SENP8: variants seen among roughly 807,000 people sequenced by gnomAD.
SENP8 encodes the protein SUMO peptidase family member, NEDD8 specific.
SENP8 carries 10 observed loss-of-function variants against 14.4 expected under a neutral mutation model. The ratio of observed to expected loss-of-function variants is 0.69; its 90% CI spans 0.43 to 1.18. SENP8 has a LOEUF of 1.18. Ranked by LOEUF, SENP8 falls within the 50% of genes most tolerant of loss-of-function variation. The probability of loss-of-function intolerance (pLI) is 0.00; values close to 1 mark genes in which losing one functional copy is unlikely to be tolerated. For synonymous variants in SENP8, 94 were observed against 95.5 expected, an observed-to-expected ratio of 0.98 and a Z score of 0.09; for missense variants, 202 against 249.4, an observed-to-expected ratio of 0.81 and a Z score of 1.28.
In SENP8 at chr15:72,140,294, T is replaced by C; in HGVS notation, c.*32T>C. 3 of 1,498,074 alleles carry C rather than the reference T, an allele frequency of 2.0e-6. No homozygotes were observed. Among genetic ancestry groups the C allele is most frequent in the Non-Finnish European group, 2.8e-6 (3 of 1,080,126 alleles). The allele number at this position is 1,498,074 out of a possible 1,614,324, so 92.8% of individuals were successfully genotyped here. A position where few individuals can be genotyped will look rare whatever the true frequency, so the allele number is the denominator to read the frequency against. ...AAGTATATTTGCGACTTTTGAAGGC[T>C]CCTCTTTCTGCCCTTCCCCATTTGT... On this transcript the variant is annotated 3_prime_UTR_variant, in exon 2 of 2. Coordinates refer to ENST00000340912, the MANE Select transcript of SENP8 (RefSeq NM_145204.4).
chr15:72,136,078 T>G (rs2081325187), intron 1 of SENP8, among the ~76,000 whole-genome samples: 1 of 152,222 alleles, frequency 6.6e-6, no homozygotes, highest in Non-Finnish European at 1.5e-5. Context: ...TCTGTCAAAT[T>G]GCTTTTGTTT....
At chr15:72,139,410 T>C (rs2140527559) in intron 1 of SENP8, 167 bp from the exon 2 acceptor site, 1 of 553,424 alleles carries the variant, frequency 1.8e-6, no homozygotes, top group East Asian at 3.0e-5. Flanking sequence ...GTCTCAGGGG[T>C]GGCAGAGGCA....
Position 72,140,862 on chromosome 15 carries a change from T to G in SENP8, c.*600T>G, listed in dbSNP as rs2081374734. 6.0e-6 allele frequency: 1 copy of G among 167,168 alleles called. No homozygotes were observed. The highest frequency in any genetic ancestry group is 6.5e-5 in the Admixed American group (1 of 15,286). The allele number at this position is 167,168 out of a possible 1,614,324, so 10.4% of individuals were successfully genotyped here. A position where few individuals can be genotyped will look rare whatever the true frequency, so the allele number is the denominator to read the frequency against. ...CTATCTATATAATGTTTGCAAATAT[T>G]TGATAAAGATGATGTTACCCTATCT... On this transcript the variant is annotated 3_prime_UTR_variant, in exon 2 of 2. Coordinates refer to ENST00000340912, the MANE Select transcript of SENP8 (RefSeq NM_145204.4).
At chr15:72,116,184 G>A (rs1044040549), upstream of SENP8, among the ~76,000 whole-genome samples, 6 of 152,102 alleles carry the variant, frequency 3.9e-5, no homozygotes, top group Non-Finnish European at 5.9e-5. Flanking sequence ...GAGTGAAGGC[G>A]GAACAGAAAT....
chr15:72,136,870 C>T (rs979229754), intron 1 of SENP8, among the ~76,000 whole-genome samples: 1 of 152,154 alleles, frequency 6.6e-6, no homozygotes, highest in Non-Finnish European at 1.5e-5. Context: ...TGCCAGGTCA[C>T]TGCATAACAG....
At chr15:72,134,988 A>C (rs1596655805) in intron 1 of SENP8, 1 of 313,726 alleles carries the variant, frequency 3.2e-6, no homozygotes, top group East Asian at 1.1e-4. Context: ...AAAAGAAGGA[A>C]GCCAAAGAGA....
chr15:72,122,585 CAGAG>C (rs925325295), intron 1 of SENP8, among the ~76,000 whole-genome samples: 1 of 152,176 alleles, frequency 6.6e-6, no homozygotes, highest in Non-Finnish European at 1.5e-5. Flanking sequence ...ACTAGGTTCT[CAGAG>C]AGGCCACCAT....
At chr15:72,138,003 A>G (rs546866813) in intron 1 of SENP8, among the ~76,000 whole-genome samples, 1 of 152,234 alleles carries the variant, frequency 6.6e-6, no homozygotes, top group African/African-American at 2.4e-5. Flanking sequence ...ATTAGTGTTG[A>G]AATGAAAAGT....
At chr15:72,117,910 C>T, upstream of SENP8, 1 of 398,592 alleles carries the variant, frequency 2.5e-6, no homozygotes, top group Non-Finnish European at 4.4e-6. Flanking sequence ...CATCCCCCGC[C>T]GCACCCCGCC....
rs2081380624 is a variant in SENP8 at position 72,141,564 on chromosome 15, TC to T, written c.*1303del. The T allele has an allele frequency of 6.6e-6, 1 of 152,122 alleles. No individual in the cohort carries two copies. Among genetic ancestry groups the T allele is most frequent in the Non-Finnish European group, 1.5e-5 (1 of 68,036 alleles). The allele number at this position is 152,122 out of a possible 1,614,324, so 9.4% of individuals were successfully genotyped here. ...CCCAGCCTAACCCTGCCCCCAGCCC[TC>T]ATGGCCCAAAATAACCTCACCACTC... On this transcript the variant is annotated 3_prime_UTR_variant, in exon 2 of 2. Coordinates refer to ENST00000340912, the MANE Select transcript of SENP8 (RefSeq NM_145204.4).
intron 1 of SENP8, among the ~76,000 whole-genome samples, chr15:72,134,226 T>C (rs931764539): frequency 2.0e-5 from 3 of 152,168 alleles, no homozygotes; most frequent in Non-Finnish European, 4.4e-5. Flanking sequence ...AAAATCCTAG[T>C]TATGTATGTT....
intron 1 of SENP8, among the ~76,000 whole-genome samples, chr15:72,127,092 A>G (rs1326307595): frequency 6.6e-6 from 1 of 152,134 alleles, no homozygotes; most frequent in African/African-American, 2.4e-5. Flanking sequence ...TTATTCTACA[A>G]TTATTTATTG....
chr15:72,118,993 CG>C (rs762845862), intron 1 of SENP8, among the ~76,000 whole-genome samples: 87 of 152,120 alleles, frequency 5.7e-4, no homozygotes, highest in Non-Finnish European at 1.0e-3. Flanking sequence ...AGCAGAATAA[CG>C]GGCGCAAGAG....
upstream of SENP8, chr15:72,118,053 G>C: frequency 2.5e-6 from 1 of 396,144 alleles, no homozygotes; most frequent in Non-Finnish European, 4.5e-6. Context: ...GCCAACCGCC[G>C]CCGCGTCCCT....
rs879605463 is a variant in SENP8, at chr15:72,141,745, C to T, written c.*1483C>T. The T allele has an allele frequency of 6.6e-6, 1 of 152,140 alleles. No homozygotes were observed. Among genetic ancestry groups the T allele is most frequent in the Non-Finnish European group, 1.5e-5 (1 of 68,036 alleles). The allele number at this position is 152,140 out of a possible 1,614,324, so 9.4% of individuals were successfully genotyped here. A position where few individuals can be genotyped will look rare whatever the true frequency, so the allele number is the denominator to read the frequency against. Reference sequence around the variant, plus strand: ...ATCAAAAAAAGTTTCCATTTCAAGTCGGTACATTTTGGATAAAAACCAGTC... The same window carrying T: ...ATCAAAAAAAGTTTCCATTTCAAGTTGGTACATTTTGGATAAAAACCAGTC... On this transcript the variant is annotated 3_prime_UTR_variant, in exon 2 of 2. Transcript: ENST00000340912.
At chr15:72,124,436 A>C (rs554530694) in intron 1 of SENP8, among the ~76,000 whole-genome samples, 18 of 152,046 alleles carry the variant, frequency 1.2e-4, no homozygotes, top group East Asian at 5.8e-4. Flanking sequence ...TTGAAACCCC[A>C]AAAAAAAGCC....
chr15:72,140,398 C>A lies in SENP8; in HGVS notation c.*136C>A. The A allele has an allele frequency of 1.5e-6, 1 of 653,474 alleles. No homozygotes were observed. The highest frequency in any genetic ancestry group is 2.7e-6 in the Non-Finnish European group (1 of 370,108). 40.5% of individuals were successfully genotyped at this position (653,474 alleles called of 1,614,324 possible). A position where few individuals can be genotyped will look rare whatever the true frequency, so the allele number is the denominator to read the frequency against. On this transcript the variant is annotated 3_prime_UTR_variant, in exon 2 of 2. Coordinates refer to ENST00000340912, the MANE Select transcript of SENP8 (RefSeq NM_145204.4). ...AATACTCTTTTTCCTGAAAGAATAT[C>A]ATCCTCTGCATTATCCCCATGGAAC... is the stretch of plus-strand genomic sequence containing the variant.
At position 72,140,454 on chromosome 15, in the gene SENP8, A is replaced by G. The variant is rs747111847; in HGVS notation, c.*192A>G. On this transcript the variant is annotated 3_prime_UTR_variant, in exon 2 of 2. Coordinates refer to ENST00000340912, the MANE Select transcript of SENP8 (RefSeq NM_145204.4). ...ACTTTAACCCTGACTGGGGAGCAAT[A>G]TGTTCTGTGAAAATATCTTGAAATT... The G allele has an allele frequency of 1.4e-5, 8 of 575,940 alleles. No individual in the cohort carries two copies. Among genetic ancestry groups the G allele is most frequent in the Non-Finnish European group, 2.5e-5 (8 of 319,000 alleles). 35.7% of individuals were successfully genotyped at this position (575,940 alleles called of 1,614,324 possible). A position where few individuals can be genotyped will look rare whatever the true frequency, so the allele number is the denominator to read the frequency against.
intron 1 of SENP8, among the ~76,000 whole-genome samples, chr15:72,127,621 A>G (rs1242059154): frequency 3.3e-5 from 5 of 152,182 alleles, no homozygotes; most frequent in African/African-American, 9.6e-5. Context: ...TTTTCTGAGT[A>G]TGATAGCTAC....
Sources: gnomAD v4.1 joint callset for allele counts (sites outside exome capture counted in the v4.1 genomes callset) on GRCh38, gnomAD v4.1.1 for gene constraint, MANE v1.5 for transcripts, NCBI Gene and HGNC (gene_info 2026-07-23, HGNC 2026-07-21) for gene names.